Variants in CENPS observed in about 807,000 individuals in gnomAD.
CENPS encodes the protein FANCM associated histone fold protein 1.
In CENPS, 16 loss-of-function variants were observed where a neutral mutation model predicts 17.9. The ratio of observed to expected loss-of-function variants is 0.90; its 90% CI spans 0.61 to 1.36. CENPS has a LOEUF of 1.36. Among genes scored for constraint, CENPS ranks in the 40% most tolerant of loss-of-function variants. CENPS has a pLI of 0.00. For missense variants in CENPS, 160 were observed against 158.6 expected (o/e 1.01, Z -0.05); for synonymous variants, 49 against 55.8 (o/e 0.88, Z 0.54).
chr1:10,439,615 G>T (rs534685667), intron 3 of CENPS, among the ~76,000 whole-genome samples: 1 of 152,058 alleles, frequency 6.6e-6, no homozygotes, highest in Non-Finnish European at 1.5e-5. Flanking sequence ...GGTGGCGGGC[G>T]CCTGTAATCC....
intron 1 of CENPS, 58 bp downstream of exon 1, chr1:10,430,626 A>G (rs371207642): frequency 1.3e-6 from 2 of 1,507,254 alleles, no homozygotes; most frequent in Non-Finnish European, 1.8e-6. Flanking sequence ...GTTTCTGGAC[A>G]GAAAAGTACC....
intron 3 of CENPS, among the ~76,000 whole-genome samples, chr1:10,439,557 T>C (rs1482714978): frequency 6.6e-6 from 1 of 152,004 alleles, no homozygotes; most frequent in Non-Finnish European, 1.5e-5. Context: ...CTGGCCAAGA[T>C]GGTGAAATCC....
At chr1:10,430,636 CCGGCAGCCCCCGGCGGCTTCTCAT>C in intron 1 of CENPS, 68 bp downstream of exon 1, 2 of 1,483,756 alleles carry the variant, frequency 1.3e-6, no homozygotes, top group South Asian at 1.3e-5. Context: ...AGAAAAGTAC[CCGGCAGCCCCCGGCGGCTTCTCAT>C]CGGCACCCCG....
Position 10,430,611 on chromosome 1 carries a change from GT to G in CENPS, c.51+44del, listed in dbSNP as rs1384491413. On this transcript the variant is annotated intron_variant, in intron 1 of 4. Coordinates refer to ENST00000309048, the MANE Select transcript of CENPS (RefSeq NM_199294.3). ...TCGGGCTGGGCTGGGGCAGGACGGC[GT>G]CGAGTTTCTGGACAGAAAAGTACCC... 34 of 1,524,472 alleles carry G rather than the reference GT, an allele frequency of 2.2e-5. No individual in the cohort carries two copies. In the East Asian group the frequency reaches 8.5e-4, roughly 38 times the overall value. The allele number at this position is 1,524,472 out of a possible 1,614,324, so 94.4% of individuals were successfully genotyped here. A position where few individuals can be genotyped will look rare whatever the true frequency, so the allele number is the denominator to read the frequency against.
chr1:10,440,771 T>C (rs544804416), intron 4 of CENPS, among the ~76,000 whole-genome samples: 2 of 152,386 alleles, frequency 1.3e-5, no homozygotes, highest in East Asian at 1.9e-4. Context: ...AGGCCAGGTA[T>C]GGACGGAGTT....
intron 1 of CENPS, chr1:10,431,532 C>A: frequency 8.4e-7 from 1 of 1,184,156 alleles, no homozygotes; most frequent in Non-Finnish European, 1.2e-6. Context: ...TTCGCCTTTA[C>A]ATTTTAATTC....
chr1:10,442,215 G>T (rs1557780601), intron 4 of CENPS, 50 bp from the exon 5 acceptor site: 2 of 1,540,766 alleles, frequency 1.3e-6, no homozygotes, highest in South Asian at 2.6e-5. Context: ...GTTTATTTAG[G>T]TTTATAAAAT....
At chr1:10,436,002 C>CA (rs1392968527) in intron 3 of CENPS, among the ~76,000 whole-genome samples, 5 of 146,100 alleles carry the variant, frequency 3.4e-5, no homozygotes, top group African/African-American at 1.0e-4. Flanking sequence ...TTTTTGGAGA[C>CA]AGAGTCTCAC....
At chr1:10,430,798 G>C (rs1639873111) in intron 1 of CENPS, 6 of 1,363,894 alleles carry the variant, frequency 4.4e-6, no homozygotes, top group South Asian at 1.8e-5. Context: ...GGTTCTAGGG[G>C]AGCGTGCGGG....
chr1:10,442,613 T>A lies in CENPS; in HGVS notation c.*208T>A. On this transcript the variant is annotated 3_prime_UTR_variant, in exon 5 of 5. Transcript: ENST00000309048. ...AATGAGAAAGTCTTAAGCAAAATAC[T>A]CCCAGGTCTCACTCCAGAACATAAA... is the stretch of plus-strand genomic sequence containing the variant. 1.3e-6 allele frequency: 1 copy of A among 765,786 alleles called. No homozygotes were observed. Among genetic ancestry groups the A allele is most frequent in the Non-Finnish European group, 1.8e-6 (1 of 561,354 alleles). 47.4% of individuals were successfully genotyped at this position (765,786 alleles called of 1,614,324 possible).
chr1:10,435,021 C>T (rs1220667122), intron 3 of CENPS, among the ~76,000 whole-genome samples: 2 of 152,198 alleles, frequency 1.3e-5, no homozygotes, highest in Non-Finnish European at 2.9e-5. Context: ...TTTGATTGCT[C>T]AGGGTTTGAG....
intron 3 of CENPS, among the ~76,000 whole-genome samples, chr1:10,438,291 C>T (rs1640259425): frequency 6.6e-6 from 1 of 152,050 alleles, no homozygotes; most frequent in East Asian, 1.9e-4. Context: ...ATTACAGGTG[C>T]CCACCACCAT....
chr1:10,435,966 G>A (rs1640137745), intron 3 of CENPS, among the ~76,000 whole-genome samples: 1 of 145,258 alleles, frequency 6.9e-6, no homozygotes, highest in Admixed American at 7.2e-5. Flanking sequence ...GTTTTTTAAA[G>A]TATATAAGAG....
Position 10,430,451 on chromosome 1 carries a change from C to A in CENPS, c.-67C>A. ...GTCGCTCGCGCCGCGGCGGGAAAATCCGACCTGGCCGCGCACCACCGCCCC... is the reference window on the plus strand; with the variant it reads ...GTCGCTCGCGCCGCGGCGGGAAAATACGACCTGGCCGCGCACCACCGCCCC... On this transcript the variant is annotated 5_prime_UTR_variant, in exon 1 of 5. Coordinates refer to ENST00000309048, the MANE Select transcript of CENPS (RefSeq NM_199294.3). The A allele has an allele frequency of 6.6e-7, 1 of 1,521,710 alleles. No homozygotes were observed. 94.3% of individuals were successfully genotyped at this position (1,521,710 alleles called of 1,614,324 possible). A position where few individuals can be genotyped will look rare whatever the true frequency, so the allele number is the denominator to read the frequency against.
chr1:10,434,635 GTA>G lies in CENPS; in HGVS notation c.176-20_176-19del, dbSNP rs780565615. The G allele has an allele frequency of 3.7e-6, 6 of 1,603,578 alleles. No homozygotes were observed. The highest frequency in any genetic ancestry group is 5.1e-6 in the Non-Finnish European group (6 of 1,177,442). On this transcript the variant is annotated intron_variant, in intron 2 of 4. Coordinates refer to ENST00000309048, the MANE Select transcript of CENPS (RefSeq NM_199294.3). ...TTAGATGGGAGGGTGCCTAAAGTGTGTATCTTTTTTTTCTCTTTCAGAAAATT... is the reference window on the plus strand; with the variant it reads ...TTAGATGGGAGGGTGCCTAAAGTGTGTCTTTTTTTTCTCTTTCAGAAAATT...
intron 1 of CENPS, among the ~76,000 whole-genome samples, chr1:10,432,498 C>T (rs1202321270): frequency 6.6e-6 from 1 of 152,134 alleles, no homozygotes; most frequent in Non-Finnish European, 1.5e-5. Flanking sequence ...AGCTTGTAGA[C>T]GATTTCCCCC....
chr1:10,431,327 T>G, intron 1 of CENPS: 1 of 1,535,258 alleles, frequency 6.5e-7, no homozygotes, highest in African/African-American at 1.4e-5. Context: ...TCTACAAAGT[T>G]ACACTGCAGC....
chr1:10,431,593 C>T (rs1338019555), intron 1 of CENPS, among the ~76,000 whole-genome samples: 5 of 152,154 alleles, frequency 3.3e-5, no homozygotes, highest in African/African-American at 1.2e-4. Context: ...CGGTGGCTCA[C>T]GCCTGTAATT....
intron 4 of CENPS, 49 bp downstream of exon 4, chr1:10,440,462 T>C (rs953011135): frequency 1.2e-6 from 2 of 1,604,524 alleles, no homozygotes; most frequent in East Asian, 2.2e-5. Flanking sequence ...CGGAATACAT[T>C]ATTCCCAATC....
Sources: allele counts gnomAD v4.1 joint callset (sites outside exome capture counted in the v4.1 genomes callset), GRCh38; gene constraint gnomAD v4.1.1; transcripts MANE v1.5; gene names NCBI Gene and HGNC (gene_info 2026-07-23, HGNC 2026-07-21).